The following VPS13D variants were observed in gnomAD, a reference collection of about 807,000 sequenced individuals.
The protein encoded by VPS13D is intermembrane lipid transfer protein VPS13D.
In VPS13D, 187 loss-of-function variants were observed where a neutral mutation model predicts 461.9. The ratio of observed to expected loss-of-function variants is 0.40; its 90% confidence interval spans 0.36 to 0.46. The LOEUF (loss-of-function observed/expected upper bound fraction) is 0.46. Among genes scored for constraint, VPS13D ranks in the 20% least tolerant of loss-of-function variants. The pLI, the probability that VPS13D is intolerant of heterozygous loss-of-function variation, is 0.60. For synonymous variants in VPS13D, 1,951 were observed against 1,986.3 expected, an observed-to-expected ratio of 0.98 and a Z score of 0.47; for missense variants, 4,711 against 5,364.9, an observed-to-expected ratio of 0.88 and a Z score of 3.81.
intron 22 of VPS13D, among the ~76,000 whole-genome samples, chr1:12,290,416 G>A (rs1475051278): frequency 6.6e-6 from 1 of 152,060 alleles, no homozygotes; most frequent in African/African-American, 2.4e-5. Flanking sequence ...ATTTATAAAG[G>A]TTTTATCCTT....
chr1:12,342,867 G>A (rs767734325), intron 41 of VPS13D, 32 bp from the exon 42 acceptor site: 1 of 1,590,946 alleles, frequency 6.3e-7, no homozygotes. Context: ...GAAGAAACAG[G>A]GACAGGCTGA....
At chr1:12,436,527 G>A (rs1052912842) in intron 65 of VPS13D, among the ~76,000 whole-genome samples, 3 of 152,100 alleles carry the variant, frequency 2.0e-5, no homozygotes, top group Admixed American at 6.5e-5. Flanking sequence ...CCCTTGTTTC[G>A]CCCCCACCCA....
At position 12,462,889 on chromosome 1, in the gene VPS13D, G is replaced by A. The variant is rs115298616; in HGVS notation, c.12662+2493G>A. 6.7e-3 allele frequency among the ~76,000 whole-genome samples: 1,018 copies of A among 152,226 alleles called. 10 individuals carry two copies. Among genetic ancestry groups the A allele is most frequent in the African/African-American group, 0.022 (927 of 41,534 alleles). On this transcript the variant is annotated intron_variant, in intron 67 of 69. Coordinates refer to ENST00000620676, the MANE Select transcript of VPS13D (RefSeq NM_015378.4). The stretch of plus-strand genomic sequence containing the variant: ...GCCCTCATGAAGGCACTGGGGAGCC[G>A]TTCACAGTCAGCACTGGCCACTCCT...
At chr1:12,456,636 C>CAAAAT (rs1645332315) in intron 66 of VPS13D, among the ~76,000 whole-genome samples, 1 of 83,672 alleles carries the variant, frequency 1.2e-5, no homozygotes, top group East Asian at 3.7e-4. Flanking sequence ...GACTCCAATT[C>CAAAAT]AAAAAAAAAA....
At chr1:12,441,701 A>G (rs1312701829) in intron 65 of VPS13D, among the ~76,000 whole-genome samples, 1 of 152,134 alleles carries the variant, frequency 6.6e-6, no homozygotes, top group Non-Finnish European at 1.5e-5. Flanking sequence ...AGATATTTCC[A>G]TCTGGAGTCG....
Position 12,309,303 on chromosome 1 carries a change from C to T in VPS13D, c.6650+662C>T, listed in dbSNP as rs545072038. Among the ~76,000 whole-genome samples, 64 of 150,316 alleles carry T rather than the reference C, an allele frequency of 4.3e-4. 1 individual carries two copies. Among genetic ancestry groups the T allele is most frequent in the African/African-American group, 1.5e-3 (60 of 41,016 alleles). Reference sequence around the variant, plus strand: ...TCAGCTCACTGCAACCTCCACCTCCCGGGTTCAAGCGATTCTCCTTCCTCA... The same window carrying T: ...TCAGCTCACTGCAACCTCCACCTCCTGGGTTCAAGCGATTCTCCTTCCTCA... On this transcript the variant is annotated intron_variant, in intron 27 of 69. Coordinates refer to ENST00000620676, the MANE Select transcript of VPS13D (RefSeq NM_015378.4).
At chr1:12,405,041 T>G (rs1644633002) in intron 63 of VPS13D, among the ~76,000 whole-genome samples, 1 of 152,192 alleles carries the variant, frequency 6.6e-6, no homozygotes, top group South Asian at 2.1e-4. Context: ...GCTAGAGATA[T>G]GAGCAGATAA....
intron 14 of VPS13D, 72 bp from the exon 15 acceptor site, chr1:12,267,773 A>G: frequency 7.5e-7 from 1 of 1,333,404 alleles, no homozygotes; most frequent in Non-Finnish European, 1.1e-6. Context: ...GCTGAAGGGT[A>G]AGATGGGTTT....
intron 67 of VPS13D, among the ~76,000 whole-genome samples, chr1:12,482,955 C>T (rs550307654): frequency 6.6e-6 from 1 of 152,202 alleles, no homozygotes; most frequent in East Asian, 1.9e-4. Context: ...AGCTACTTAA[C>T]TAGTTCCCCA....
chr1:12,253,805 T>C lies in VPS13D; in HGVS notation c.648T>C (p.Asp216=). 6.2e-7 allele frequency: 1 copy of C among 1,614,008 alleles called. No individual in the cohort carries two copies. The highest frequency in any genetic ancestry group is 8.5e-7 in the Non-Finnish European group (1 of 1,179,928). The part of the protein sequence containing the change: ...YWDVDCTLLG[D]LPQMELQEAM... Reference sequence around the variant, plus strand: ...ATGTCGATTGCACTTTACTGGGGGATTTGCCTCAGATGGAGTTACAGGTAC... The same window carrying C: ...ATGTCGATTGCACTTTACTGGGGGACTTGCCTCAGATGGAGTTACAGGTAC... The change falls in exon 7 of 70, where the codon GAT becomes GAC. Residue 216 remains aspartate (D), a synonymous_variant. Coordinates refer to ENST00000620676, the MANE Select transcript of VPS13D (RefSeq NM_015378.4).
chr1:12,296,872 A>G (rs891268183), intron 24 of VPS13D, among the ~76,000 whole-genome samples: 1 of 152,174 alleles, frequency 6.6e-6, no homozygotes, highest in Non-Finnish European at 1.5e-5. Flanking sequence ...AGGAAACGAG[A>G]TACTTGTATA....
Position 12,348,834 on chromosome 1 carries a change from C to T in VPS13D, c.9081C>T (p.Leu3027=). 4.3e-6 allele frequency: 7 copies of T among 1,614,124 alleles called. No homozygotes were observed. Among genetic ancestry groups the T allele is most frequent in the Non-Finnish European group, 5.9e-6 (7 of 1,179,998 alleles). Residue 3027 remains leucine (L), a synonymous_variant, in exon 45 of 70, where the codon CTC becomes CTT. Coordinates refer to ENST00000620676, the MANE Select transcript of VPS13D (RefSeq NM_015378.4). ...TCGCTCTTTCACAGTTCTCTTCACT[C>T]CCACCAGTGCGGGTGGTCTTTGCAG... is the stretch of plus-strand genomic sequence containing the variant. ...IIHPQVYFSS[L]PPVRVVFAVT... is the part of the protein sequence containing the mutation.
At chr1:12,333,605 G>A (rs1229743599) in intron 38 of VPS13D, among the ~76,000 whole-genome samples, 2 of 152,186 alleles carry the variant, frequency 1.3e-5, no homozygotes, top group East Asian at 3.8e-4. Flanking sequence ...CTTAGGAAAC[G>A]TAAATGGCCG....
intron 63 of VPS13D, among the ~76,000 whole-genome samples, chr1:12,404,609 A>G (rs547142992): frequency 1.8e-4 from 28 of 152,362 alleles, no homozygotes; most frequent in Non-Finnish European, 2.8e-4. Flanking sequence ...ATCAAGGAAG[A>G]AAGCTGGGAT....
At chr1:12,428,394 C>T (rs1028011651) in intron 65 of VPS13D, among the ~76,000 whole-genome samples, 2 of 152,206 alleles carry the variant, frequency 1.3e-5, no homozygotes, top group African/African-American at 2.4e-5. Context: ...CCCTCCAGTG[C>T]CATTCCTAAG....
intron 64 of VPS13D, among the ~76,000 whole-genome samples, chr1:12,415,943 G>T (rs375026563): frequency 6.6e-6 from 1 of 152,120 alleles, no homozygotes; most frequent in Non-Finnish European, 1.5e-5. Context: ...CTTGGTGGGA[G>T]GCCAAGGCAG....
chr1:12,274,942 G>A (rs992170806), intron 18 of VPS13D, among the ~76,000 whole-genome samples: 18 of 151,996 alleles, frequency 1.2e-4, no homozygotes, highest in Non-Finnish European at 1.8e-4. Flanking sequence ...AAATTGGCCA[G>A]GTGCGGTGGC....
At chr1:12,463,274 C>T (rs1645435929) in intron 67 of VPS13D, among the ~76,000 whole-genome samples, 1 of 152,106 alleles carries the variant, frequency 6.6e-6, no homozygotes, top group African/African-American at 2.4e-5. Context: ...GCAGAAGTTA[C>T]CAGAGGCAAG....
intron 31 of VPS13D, 89 bp downstream of exon 31, chr1:12,318,426 C>A: frequency 6.7e-7 from 1 of 1,483,198 alleles, no homozygotes; most frequent in Non-Finnish European, 9.1e-7. Flanking sequence ...TTTTGCCTCC[C>A]ATTTTTCACG....
Sources: gnomAD v4.1 joint callset for allele counts (sites outside exome capture counted in the v4.1 genomes callset) on GRCh38, gnomAD v4.1.1 for gene constraint, MANE v1.5 for transcripts, NCBI Gene and HGNC (gene_info 2026-07-23, HGNC 2026-07-21) for gene names.